VAV2: variants seen among roughly 807,000 people sequenced by gnomAD.
VAV2 encodes the protein guanine nucleotide exchange factor VAV2.
Under a neutral mutation model 132.5 loss-of-function variants are expected in VAV2, and 67 were observed. The ratio of observed to expected loss-of-function variants is 0.51; its 90% CI spans 0.42 to 0.62. The LOEUF is 0.62. Ranked by LOEUF, VAV2 falls within the 20% of genes least tolerant of loss-of-function variation. The pLI, the probability that VAV2 is intolerant of heterozygous loss-of-function variation, is 0.00. For missense variants in VAV2, 938 were observed against 1,153.6 expected (o/e 0.81, Z 2.71); for synonymous variants, 492 against 443.5 (o/e 1.11, Z -1.37).
chr9:133,932,439 C>G (rs1840720628), intron 2 of VAV2, among the ~76,000 whole-genome samples: 1 of 152,254 alleles, frequency 6.6e-6, no homozygotes, highest in African/African-American at 2.4e-5. Context: ...TTAATGCAAC[C>G]CTTTGAAAAA....
At chr9:133,941,551 T>C (rs1007570347) in intron 1 of VAV2, among the ~76,000 whole-genome samples, 3 of 151,228 alleles carry the variant, frequency 2.0e-5, no homozygotes, top group Admixed American at 1.3e-4. Flanking sequence ...TCACGACCTG[T>C]TAATTCTGAA....
At chr9:133,990,379 C>A (rs987019874) in intron 1 of VAV2, among the ~76,000 whole-genome samples, 1 of 152,178 alleles carries the variant, frequency 6.6e-6, no homozygotes, top group African/African-American at 2.4e-5. Flanking sequence ...GCTTGAACTT[C>A]CAGTGCAGGA....
chr9:133,832,380 GCA>G (rs1393595690), intron 4 of VAV2, among the ~76,000 whole-genome samples: 1 of 152,154 alleles, frequency 6.6e-6, no homozygotes, highest in Non-Finnish European at 1.5e-5. Context: ...TAGGGTGGCT[GCA>G]GACTCTGCTG....
At chr9:133,778,726 C>T (rs755114111) in intron 22 of VAV2, 36 bp downstream of exon 22, 60 of 1,607,236 alleles carry the variant, frequency 3.7e-5, no homozygotes, top group South Asian at 2.2e-5. Context: ...GAGCTGGAGC[C>T]GGGGACCCTC....
intron 2 of VAV2, among the ~76,000 whole-genome samples, chr9:133,920,693 G>A (rs1840266004): frequency 6.6e-6 from 1 of 152,084 alleles, no homozygotes; most frequent in Non-Finnish European, 1.5e-5. Flanking sequence ...TGGCTCAGCT[G>A]CTCGGCTCAA....
intron 2 of VAV2, among the ~76,000 whole-genome samples, chr9:133,934,745 C>T (rs1346532545): frequency 1.3e-5 from 2 of 152,230 alleles, no homozygotes; most frequent in Non-Finnish European, 2.9e-5. Flanking sequence ...CACCCCCGTT[C>T]CTGGGTCTCC....
At chr9:133,798,168 G>C (rs1238802843) in intron 9 of VAV2, among the ~76,000 whole-genome samples, 1 of 152,128 alleles carries the variant, frequency 6.6e-6, no homozygotes, top group Non-Finnish European at 1.5e-5. Context: ...CATCCCCCCA[G>C]GAAAGAAGAC....
intron 1 of VAV2, among the ~76,000 whole-genome samples, chr9:133,955,877 G>C (rs1841758294): frequency 7.0e-6 from 1 of 143,522 alleles, no homozygotes; most frequent in Non-Finnish European, 1.5e-5. Context: ...AAACCCTCCA[G>C]CTCAGGCTGC....
intron 3 of VAV2, among the ~76,000 whole-genome samples, chr9:133,847,870 G>T (rs975113955): frequency 3.3e-5 from 5 of 152,202 alleles, no homozygotes; most frequent in Non-Finnish European, 5.9e-5. Flanking sequence ...AAGGGCCACA[G>T]TGACAGATGG....
At chr9:133,818,877 TG>T (rs1284685648) in intron 4 of VAV2, among the ~76,000 whole-genome samples, 1 of 152,120 alleles carries the variant, frequency 6.6e-6, no homozygotes, top group East Asian at 1.9e-4. Flanking sequence ...CCCGAGTAGC[TG>T]GGATTACAGG....
At chr9:133,929,054 G>A (rs116960840) in intron 2 of VAV2, among the ~76,000 whole-genome samples, 1 of 152,220 alleles carries the variant, frequency 6.6e-6, no homozygotes, top group Non-Finnish European at 1.5e-5. Flanking sequence ...ACAGCCCTCG[G>A]CATGGGGGAG....
At chr9:133,772,087 C>T in intron 25 of VAV2, 41 bp from the exon 26 acceptor site, 1 of 1,568,126 alleles carries the variant, frequency 6.4e-7, no homozygotes, top group Non-Finnish European at 8.8e-7. Flanking sequence ...GCGTGAGGGC[C>T]ACACGGCCCC....
At chr9:133,855,329 C>T (rs957303587) in intron 3 of VAV2, among the ~76,000 whole-genome samples, 8 of 152,240 alleles carry the variant, frequency 5.3e-5, no homozygotes, top group Non-Finnish European at 1.2e-4. Flanking sequence ...TGAGATGTCT[C>T]ACATGAGAGG....
rs1003712207 is a variant in VAV2, at chr9:133,833,567, G to A, written c.449+705C>T. On this transcript the variant is annotated intron_variant, in intron 4 of 29. Coordinates refer to ENST00000371850, the MANE Select transcript of VAV2 (RefSeq NM_001134398.2). This position sits in a 1 kb window ranked among gnomAD's most constrained non-coding sequence, Gnocchi z 5.6. The stretch of plus-strand genomic sequence containing the variant: ...CCGTGAGGCCCCAGCAAGGATGCTC[G>A]GTCTCAGCCCAGGTCCCTCACCTGC... Among the ~76,000 whole-genome samples the A allele has an allele frequency of 3.3e-5, 5 of 152,118 alleles. No individual in the cohort carries two copies. Among genetic ancestry groups the A allele is most frequent in the Admixed American group, 2.6e-4 (4 of 15,282 alleles).
chr9:133,972,295 C>G (rs186883219), intron 1 of VAV2, among the ~76,000 whole-genome samples: 8 of 152,352 alleles, frequency 5.3e-5, no homozygotes, highest in African/African-American at 1.7e-4. Flanking sequence ...GCTAACTAAA[C>G]AGTCAGGAAT....
chr9:133,907,078 T>C (rs1839685010), intron 2 of VAV2, among the ~76,000 whole-genome samples: 1 of 152,146 alleles, frequency 6.6e-6, no homozygotes, highest in Non-Finnish European at 1.5e-5. Flanking sequence ...GGTGTGGCCC[T>C]CTGGTGTCCA....
At chr9:133,818,576 C>G (rs1835661324) in intron 4 of VAV2, among the ~76,000 whole-genome samples, 1 of 152,158 alleles carries the variant, frequency 6.6e-6, no homozygotes, top group African/African-American at 2.4e-5. Flanking sequence ...CCTTTGGACT[C>G]AGACTTAAGT....
chr9:133,934,503 T>A (rs963148256), intron 2 of VAV2, among the ~76,000 whole-genome samples: 35 of 152,266 alleles, frequency 2.3e-4, no homozygotes, highest in African/African-American at 8.2e-4. Context: ...GGCGGCACCA[T>A]CCAAGCAGCT....
rs775916335 is a variant in VAV2, at chr9:133,833,002, C to T, written c.449+1270G>A. On this transcript the variant is annotated intron_variant, in intron 4 of 29. Transcript: ENST00000371850. The surrounding 1 kb of genome is among the most constrained non-coding windows in gnomAD (Gnocchi z 5.6). The stretch of plus-strand genomic sequence containing the variant: ...AGATGCTCTACAACCCTCAGACCCA[C>T]GTGGGGCCGACCGGATGTCCAGAGG... Among the ~76,000 whole-genome samples, 4 of 152,126 alleles carry T rather than the reference C, an allele frequency of 2.6e-5. No individual in the cohort carries two copies. Among genetic ancestry groups the T allele is most frequent in the African/African-American group, 2.4e-5 (1 of 41,416 alleles).
Sources: gnomAD v4.1 joint callset for allele counts (sites outside exome capture counted in the v4.1 genomes callset) on GRCh38, gnomAD v4.1.1 for gene constraint, Gnocchi (gnomAD v3.1) non-coding constraint, MANE v1.5 for transcripts, NCBI Gene and HGNC (gene_info 2026-07-23, HGNC 2026-07-21) for gene names.